Variants in MAP3K7 observed in about 807,000 individuals in gnomAD.
MAP3K7 encodes the protein TGF-beta activated kinase 1.
MAP3K7 carries 21 observed loss-of-function variants against 84.8 expected under a neutral mutation model. The observed-to-expected ratio is 0.25, with a 90% CI of 0.18 to 0.36. The LOEUF (loss-of-function observed/expected upper bound fraction) is 0.36, where lower values mean the gene tolerates loss of function less well. MAP3K7 is among the 10% of genes least tolerant of loss of function. The pLI is 1.00. For synonymous variants in MAP3K7, 241 were observed against 247.7 expected (o/e 0.97, Z 0.25); for missense variants, 503 against 747.7 (o/e 0.67, Z 3.82).
chr6:90,571,856 C>T (rs748703464), intron 1 of MAP3K7, 49 bp from the exon 2 acceptor site: 20 of 1,059,026 alleles, frequency 1.9e-5, no homozygotes, highest in Admixed American at 4.4e-5. Context: ...CCACAAGAAT[C>T]GGAATCAAAT....
chr6:90,552,801 C>A (rs1381261526), intron 7 of MAP3K7, among the ~76,000 whole-genome samples: 2 of 152,188 alleles, frequency 1.3e-5, no homozygotes, highest in African/African-American at 4.8e-5. Flanking sequence ...AGAAACAGGA[C>A]AGATGCAAGG....
At chr6:90,568,759 A>G in intron 2 of MAP3K7, 136 bp from the exon 3 acceptor site, 1 of 633,006 alleles carries the variant, frequency 1.6e-6, no homozygotes, top group Non-Finnish European at 2.6e-6. Context: ...TGTAACAGGC[A>G]TTGCAATCAT....
intron 11 of MAP3K7, among the ~76,000 whole-genome samples, chr6:90,546,308 G>GA (rs1775998388): frequency 6.6e-6 from 1 of 151,586 alleles, no homozygotes; most frequent in Admixed American, 6.6e-5. Context: ...CCAAATAAGT[G>GA]AAAAAAAGAC....
intron 1 of MAP3K7, 91 bp from the exon 2 acceptor site, chr6:90,571,898 T>A: frequency 3.8e-6 from 2 of 527,122 alleles, no homozygotes; most frequent in Non-Finnish European, 3.1e-6. Flanking sequence ...CTAAAGTCAA[T>A]CTTTAAGACT....
At chr6:90,549,230 G>A (rs991297218) in intron 9 of MAP3K7, among the ~76,000 whole-genome samples, 6 of 152,100 alleles carry the variant, frequency 3.9e-5, no homozygotes, top group Non-Finnish European at 4.4e-5. Context: ...GCTGTCTTCC[G>A]ATTACTCCAA....
intron 3 of MAP3K7, among the ~76,000 whole-genome samples, chr6:90,567,581 T>C (rs1176157215): frequency 6.6e-6 from 1 of 152,196 alleles, no homozygotes; most frequent in Non-Finnish European, 1.5e-5. Context: ...CTGGAGAGGA[T>C]GTGGAGAAAT....
chr6:90,520,874 T>A (rs1775127287), intron 14 of MAP3K7, among the ~76,000 whole-genome samples: 1 of 152,118 alleles, frequency 6.6e-6, no homozygotes, highest in South Asian at 2.1e-4. Context: ...GATTTCCTCC[T>A]GATTTACTAG....
chr6:90,552,584 G>A (rs2127974697), intron 7 of MAP3K7, among the ~76,000 whole-genome samples: 1 of 152,242 alleles, frequency 6.6e-6, no homozygotes, highest in Non-Finnish European at 1.5e-5. Context: ...TAGACTTGTG[G>A]AATAATGTAA....
rs1262977526 is a variant in MAP3K7 at position 90,587,025 on chromosome 6, G to A, written c.-142C>T. Reference sequence around the variant, plus strand: ...CCGGCGATCCGTGGCGGGGGTAGAGGCAGCGGCCACAGCCGTGTCCGGCTC... The same window carrying A: ...CCGGCGATCCGTGGCGGGGGTAGAGACAGCGGCCACAGCCGTGTCCGGCTC... On this transcript the variant is annotated 5_prime_UTR_variant, in exon 1 of 17. Transcript: ENST00000369329. 88 of 1,040,916 alleles carry A rather than the reference G, an allele frequency of 8.5e-5. No individual in the cohort carries two copies. Among genetic ancestry groups the A allele is most frequent in the Non-Finnish European group, 1.1e-4 (82 of 771,304 alleles). 64.5% of individuals were successfully genotyped at this position (1,040,916 alleles called of 1,614,324 possible). A position where few individuals can be genotyped will look rare whatever the true frequency, so the allele number is the denominator to read the frequency against.
intron 12 of MAP3K7, among the ~76,000 whole-genome samples, chr6:90,538,585 C>T (rs1010297258): frequency 1.4e-4 from 21 of 151,780 alleles, no homozygotes; most frequent in African/African-American, 5.1e-4. Flanking sequence ...GAACAAATTC[C>T]ACTTTTTAGA....
chr6:90,566,843 C>A (rs157426), intron 3 of MAP3K7, among the ~76,000 whole-genome samples: 2 of 151,180 alleles, frequency 1.3e-5, no homozygotes, highest in East Asian at 1.9e-4. Context: ...CAAAACAGCA[C>A]GGTACTGGTA....
intron 5 of MAP3K7, among the ~76,000 whole-genome samples, chr6:90,558,731 T>C (rs1047994761): frequency 1.3e-5 from 2 of 152,206 alleles, no homozygotes; most frequent in Admixed American, 6.5e-5. Flanking sequence ...ATTAGTGCAA[T>C]GTAAAAGATG....
chr6:90,567,728 A>G (rs1776757113), intron 3 of MAP3K7, among the ~76,000 whole-genome samples: 1 of 152,208 alleles, frequency 6.6e-6, no homozygotes, highest in South Asian at 2.1e-4. Context: ...TACCCAAAGG[A>G]TTATAAATCA....
intron 3 of MAP3K7, 79 bp from the exon 4 acceptor site, chr6:90,561,746 C>G (rs1277795513): frequency 2.1e-6 from 2 of 960,340 alleles, no homozygotes; most frequent in East Asian, 2.4e-5. Flanking sequence ...TTAATTCACT[C>G]CCCTGATTTT....
At chr6:90,576,049 C>T (rs540269939) in intron 1 of MAP3K7, among the ~76,000 whole-genome samples, 4 of 152,030 alleles carry the variant, frequency 2.6e-5, no homozygotes, top group Admixed American at 6.6e-5. Flanking sequence ...CATAGAACAA[C>T]GACAACAACA....
rs577976252 is a variant in MAP3K7 at position 90,575,476 on chromosome 6, G to A, written c.121-3669C>T. ...AACACCAGAAGCTTCAAAGGAGTAA[G>A]GATTGTGGCAAGGAAGACAGACCAA... is the stretch of plus-strand genomic sequence containing the variant. On this transcript the variant is annotated intron_variant, in intron 1 of 16. Coordinates refer to ENST00000369329, the MANE Select transcript of MAP3K7 (RefSeq NM_145331.3). Among the ~76,000 whole-genome samples, 177 of 152,274 alleles carry A rather than the reference G, an allele frequency of 1.2e-3. 1 individual carries two copies. Among genetic ancestry groups the A allele is most frequent in the African/African-American group, 3.7e-3 (155 of 41,554 alleles).
chr6:90,544,978 A>T (rs531976143), intron 11 of MAP3K7, among the ~76,000 whole-genome samples: 1 of 152,216 alleles, frequency 6.6e-6, no homozygotes, highest in East Asian at 1.9e-4. Flanking sequence ...GGGTGGGGGA[A>T]CGAAGGAGGA....
chr6:90,579,823 T>C (rs1002480795), intron 1 of MAP3K7, among the ~76,000 whole-genome samples: 1 of 152,132 alleles, frequency 6.6e-6, no homozygotes, highest in African/African-American at 2.4e-5. Flanking sequence ...CACTGAAAAC[T>C]GAGTATACAA....
chr6:90,544,702 C>T (rs986520897), intron 11 of MAP3K7, 70 bp from the exon 12 acceptor site: 12 of 1,191,338 alleles, frequency 1.0e-5, no homozygotes, highest in Non-Finnish European at 1.3e-5. Flanking sequence ...TGATTAACTA[C>T]AAAAATAGAC....
Sources: gnomAD v4.1 joint callset for allele counts (sites outside exome capture counted in the v4.1 genomes callset) on GRCh38, gnomAD v4.1.1 for gene constraint, MANE v1.5 for transcripts, NCBI Gene and HGNC (gene_info 2026-07-23, HGNC 2026-07-21) for gene names.